The following DTWD2 variants were observed in gnomAD, a reference collection of about 807,000 sequenced individuals.
The protein encoded by DTWD2 is tRNA-uridine aminocarboxypropyltransferase 2.
A neutral mutation model predicts 31.8 loss-of-function variants in DTWD2; 39 were observed. The ratio of observed to expected loss-of-function variants is 1.22; its 90% CI spans 0.95 to 1.60. DTWD2 has a LOEUF of 1.60. DTWD2 is among the 40% of genes most tolerant of loss of function. DTWD2 has a pLI of 0.00. For synonymous variants in DTWD2, 180 were observed against 142.8 expected, an observed-to-expected ratio of 1.26 and a Z score of -1.86; for missense variants, 515 against 381.5, an observed-to-expected ratio of 1.35 and a Z score of -2.92.
chr5:118,926,000 T>G (rs1753800789), intron 4 of DTWD2, among the ~76,000 whole-genome samples: 3 of 151,672 alleles, frequency 2.0e-5, no homozygotes, highest in Admixed American at 2.0e-4. Context: ...GAAGCCGAGG[T>G]AGGGAGAGGA....
chr5:118,853,443 G>A (rs974879179), intron 4 of DTWD2, among the ~76,000 whole-genome samples: 4 of 152,000 alleles, frequency 2.6e-5, no homozygotes, highest in African/African-American at 9.7e-5. Flanking sequence ...AAAGATACAT[G>A]CACTTATATG....
chr5:118,897,237 G>GT (rs1753103598), intron 4 of DTWD2, among the ~76,000 whole-genome samples: 1 of 152,184 alleles, frequency 6.6e-6, no homozygotes, highest in Non-Finnish European at 1.5e-5. Context: ...GTTTCCAAGT[G>GT]TCTTCTCCCA....
chr5:118,872,094 G>A (rs572903603), intron 4 of DTWD2, among the ~76,000 whole-genome samples: 18 of 152,246 alleles, frequency 1.2e-4, no homozygotes, highest in Non-Finnish European at 2.5e-4. Flanking sequence ...CTTTTCTCCT[G>A]TAGCTTCATC....
chr5:118,858,516 G>T (rs1752189750), intron 4 of DTWD2, among the ~76,000 whole-genome samples: 1 of 152,176 alleles, frequency 6.6e-6, no homozygotes, highest in East Asian at 1.9e-4. Flanking sequence ...TAAAAACTTT[G>T]TATTACTGAA....
intron 1 of DTWD2, among the ~76,000 whole-genome samples, chr5:118,945,761 A>G (rs11954152): frequency 7.4e-6 from 1 of 135,160 alleles, no homozygotes; most frequent in Admixed American, 8.0e-5. Context: ...CGAGACTCCA[A>G]CTCAAAAAAA....
At chr5:118,882,672 A>G (rs1752767890) in intron 4 of DTWD2, among the ~76,000 whole-genome samples, 1 of 152,268 alleles carries the variant, frequency 6.6e-6, no homozygotes, top group Non-Finnish European at 1.5e-5. Flanking sequence ...GAAATTGCCA[A>G]AGCTTGGGGC....
At chr5:118,887,283 TAGTCCATGGCTCTATAG>T (rs1262946434) in intron 4 of DTWD2, among the ~76,000 whole-genome samples, 1 of 152,182 alleles carries the variant, frequency 6.6e-6, no homozygotes, top group Non-Finnish European at 1.5e-5. Flanking sequence ...CTAATAAAGT[TAGTCCATGGCTCTATAG>T]AGTGATTCAC....
chr5:118,840,985 T>G lies in DTWD2; in HGVS notation c.829A>C (p.Lys277Gln). ...EHLLKNGLYPKPMPKNKRKLR... is the reference protein window; with the variant it reads ...EHLLKNGLYPQPMPKNKRKLR... ...TTGCGTTTGTTCTTTGGCATTGGTTTAGGATATAATCCATTTTTCAGAAGG... is the reference window on the plus strand; with the variant it reads ...TTGCGTTTGTTCTTTGGCATTGGTTGAGGATATAATCCATTTTTCAGAAGG... The change falls in exon 6 of 6, where the codon AAA (lysine) becomes CAA (glutamine). Residue 277 changes from lysine to glutamine, a missense_variant. Transcript: ENST00000510708. 1.2e-6 allele frequency: 2 copies of G among 1,613,892 alleles called. No individual in the cohort carries two copies. Among genetic ancestry groups the G allele is most frequent in the Non-Finnish European group, 1.7e-6 (2 of 1,179,846 alleles).
At position 118,963,576 on chromosome 5, in the gene DTWD2, A is replaced by G. The variant is rs547512431; in HGVS notation, c.219-18927T>C. ...TCTCCAGGAAAGGAATAAAATGAGCAGACAGACATGTTAAAAATATAAAGA... is the reference window on the plus strand; with the variant it reads ...TCTCCAGGAAAGGAATAAAATGAGCGGACAGACATGTTAAAAATATAAAGA... On this transcript the variant is annotated intron_variant, in intron 1 of 5. Coordinates refer to ENST00000510708, the MANE Select transcript of DTWD2 (RefSeq NM_173666.4). Among the ~76,000 whole-genome samples the G allele has an allele frequency of 2.0e-5, 3 of 152,368 alleles. No homozygotes were observed. In the South Asian group the frequency reaches 6.2e-4, roughly 32 times the overall value.
At chr5:118,925,688 AC>A (rs1401972066) in intron 4 of DTWD2, among the ~76,000 whole-genome samples, 1 of 151,996 alleles carries the variant, frequency 6.6e-6, no homozygotes, top group African/African-American at 2.4e-5. Context: ...TACTAAAAAT[AC>A]AAAAAATTAG....
chr5:118,952,764 T>A lies in DTWD2; in HGVS notation c.219-8115A>T, dbSNP rs561587470. On this transcript the variant is annotated intron_variant, in intron 1 of 5. Transcript: ENST00000510708. Reference sequence around the variant, plus strand: ...GTCTTTAACCCATAAATCTGCAATATTTACAATATTATTTTAAGTACAGTA... The same window carrying A: ...GTCTTTAACCCATAAATCTGCAATAATTACAATATTATTTTAAGTACAGTA... 8.9e-4 allele frequency among the ~76,000 whole-genome samples: 135 copies of A among 152,310 alleles called. 1 individual carries two copies. Among genetic ancestry groups the A allele is most frequent in the Non-Finnish European group, 1.5e-3 (103 of 68,016 alleles).
intron 2 of DTWD2, among the ~76,000 whole-genome samples, chr5:118,943,093 C>T (rs948344070): frequency 4.6e-5 from 7 of 152,138 alleles, no homozygotes; most frequent in Non-Finnish European, 1.0e-4. Context: ...CATAAGCCAC[C>T]GCTCCCAGCC....
Position 118,840,963 on chromosome 5 carries a change from C to A in DTWD2, c.851G>T (p.Arg284Leu). 1 of 1,613,488 alleles carries A rather than the reference C, an allele frequency of 6.2e-7. No individual in the cohort carries two copies. Among genetic ancestry groups the A allele is most frequent in the South Asian group, 1.1e-5 (1 of 91,036 alleles). The stretch of plus-strand genomic sequence containing the variant: ...TAACAATTCCATTTTCCTGAGTTTG[C>A]GTTTGTTCTTTGGCATTGGTTTAGG... Reference protein sequence around the residue: ...LYPKPMPKNKRKLRKMELLMN... With the variant: ...LYPKPMPKNKLKLRKMELLMN... The change falls in exon 6 of 6, where the codon CGC becomes CTC. Residue 284 changes from arginine to leucine, a missense_variant. Arg to Leu is a moderately radical substitution (Grantham distance 102). Transcript: ENST00000510708.
At chr5:118,970,181 C>G (rs1295917559) in intron 1 of DTWD2, among the ~76,000 whole-genome samples, 3 of 152,218 alleles carry the variant, frequency 2.0e-5, no homozygotes, top group African/African-American at 7.2e-5. Context: ...AATCCCATCA[C>G]TTTGGGAGGC....
chr5:118,847,979 G>A (rs1751898590), intron 5 of DTWD2, 111 bp downstream of exon 5: 4 of 1,202,960 alleles, frequency 3.3e-6, no homozygotes, highest in East Asian at 2.7e-5. Context: ...TTCTAACACA[G>A]AAGATTCTAC....
chr5:118,941,350 C>T (rs1024840585), intron 2 of DTWD2, among the ~76,000 whole-genome samples: 12 of 152,124 alleles, frequency 7.9e-5, no homozygotes, highest in South Asian at 2.1e-4. Context: ...CAACAGGCCC[C>T]GGTGTGTGAT....
intron 1 of DTWD2, among the ~76,000 whole-genome samples, chr5:118,978,538 A>C (rs992458529): frequency 2.6e-5 from 4 of 152,210 alleles, no homozygotes; most frequent in Non-Finnish European, 2.9e-5. Context: ...TCAGAAAAAA[A>C]CCAACAACCC....
At chr5:118,980,665 G>A (rs572575734) in intron 1 of DTWD2, among the ~76,000 whole-genome samples, 30 of 152,302 alleles carry the variant, frequency 2.0e-4, no homozygotes, top group Admixed American at 2.6e-4. Context: ...GTAAGTGTTG[G>A]CAGGAATGTG....
chr5:118,890,701 G>C (rs550242872), intron 4 of DTWD2, among the ~76,000 whole-genome samples: 1 of 150,448 alleles, frequency 6.6e-6, no homozygotes, highest in South Asian at 2.1e-4. Flanking sequence ...CTCCAAAGTA[G>C]CTGGGACTAC....
Sources: gnomAD v4.1 joint callset for allele counts (sites outside exome capture counted in the v4.1 genomes callset) on GRCh38, gnomAD v4.1.1 for gene constraint, MANE v1.5 for transcripts, NCBI Gene and HGNC (gene_info 2026-07-23, HGNC 2026-07-21) for gene names.